Variants in CA8 observed in about 807,000 individuals in gnomAD.
CA8 encodes the protein carbonic anhydrase-related protein.
Under a neutral mutation model 41.4 loss-of-function variants are expected in CA8, and 22 were observed. The observed-to-expected ratio is 0.53, with a 90% CI of 0.38 to 0.76. The LOEUF (loss-of-function observed/expected upper bound fraction) is 0.76, where lower values mean the gene tolerates loss of function less well. Ranked by LOEUF, CA8 falls within the 30% of genes least tolerant of loss-of-function variation. The pLI is 0.00. For synonymous variants in CA8, 121 were observed against 130.6 expected, an observed-to-expected ratio of 0.93 and a Z score of 0.50; for missense variants, 270 against 352.8, an observed-to-expected ratio of 0.77 and a Z score of 1.88.
intron 7 of CA8, among the ~76,000 whole-genome samples, chr8:60,219,943 A>AAAAC (rs1807184295): frequency 2.8e-5 from 4 of 141,416 alleles, no homozygotes; most frequent in Non-Finnish European, 1.5e-5. Context: ...AAAAAAAAAA[A>AAAAC]AAAAAAAAAA....
At position 60,226,108 on chromosome 8, in the gene CA8, C is replaced by T. The variant is rs548833953; in HGVS notation, c.576+765G>A. Among the ~76,000 whole-genome samples, 8 of 152,194 alleles carry T rather than the reference C, an allele frequency of 5.3e-5. No homozygotes were observed. The South Asian group carries it at 1.7e-3, about 32-fold the overall frequency. On this transcript the variant is annotated intron_variant, in intron 5 of 8. Transcript: ENST00000317995. ...GTTTTCTTTTTTTAAATTTATTTAA[C>T]ATAAATACTTTGAAATATGATTCCC...
Position 60,281,114 on chromosome 8 carries a change from C to T in CA8, c.34G>A (p.Ala12Thr), listed in dbSNP as rs546682461. 1.9e-6 allele frequency: 3 copies of T among 1,598,110 alleles called. No homozygotes were observed. Among genetic ancestry groups the T allele is most frequent in the African/African-American group, 2.7e-5 (2 of 74,528 alleles). The change falls in exon 1 of 9, where the codon GCC becomes ACC. Residue 12 changes from alanine to threonine, a missense_variant. By Grantham distance (58) the Ala-to-Thr change is moderately conservative (BLOSUM62 0). Coordinates refer to ENST00000317995, the MANE Select transcript of CA8 (RefSeq NM_004056.6). The part of the protein sequence containing the change: ...ADLSFIEDTV[A>T]FPEKEEDEEE... The stretch of plus-strand genomic sequence containing the variant: ...TCATCCTCTTCCTTCTCGGGGAAGG[C>T]GACGGTATCTTCGATGAAGCTCAGG...
chr8:60,216,991 C>A (rs1807042980), intron 7 of CA8, among the ~76,000 whole-genome samples: 1 of 152,162 alleles, frequency 6.6e-6, no homozygotes, highest in Non-Finnish European at 1.5e-5. Flanking sequence ...TCAAGTGATT[C>A]TCCTGCCTCA....
At chr8:60,215,950 A>T (rs944678972) in intron 7 of CA8, among the ~76,000 whole-genome samples, 1 of 152,262 alleles carries the variant, frequency 6.6e-6, no homozygotes, top group African/African-American at 2.4e-5. Context: ...AATAATATTC[A>T]GCAGCTTAAT....
chr8:60,252,328 G>A (rs1428623874), intron 3 of CA8, among the ~76,000 whole-genome samples: 1 of 152,202 alleles, frequency 6.6e-6, no homozygotes, highest in South Asian at 2.1e-4. Flanking sequence ...TTCTGCTGGT[G>A]TTGCCTCGGA....
At chr8:60,219,429 T>C (rs1006169649) in intron 7 of CA8, among the ~76,000 whole-genome samples, 1 of 152,218 alleles carries the variant, frequency 6.6e-6, no homozygotes, top group South Asian at 2.1e-4. Flanking sequence ...GTGCTGGGAT[T>C]ACAGGCATGA....
intron 2 of CA8, among the ~76,000 whole-genome samples, chr8:60,278,537 A>T (rs1804312037): frequency 6.6e-6 from 1 of 152,214 alleles, no homozygotes; most frequent in African/African-American, 2.4e-5. Context: ...TTTAAAAAAC[A>T]GTAAGTAATG....
At chr8:60,248,014 A>G (rs1311544502) in intron 3 of CA8, among the ~76,000 whole-genome samples, 1 of 151,026 alleles carries the variant, frequency 6.6e-6, no homozygotes, top group Non-Finnish European at 1.5e-5. Context: ...AGTGCTGTTG[A>G]GCTTTTTTTC....
intron 3 of CA8, among the ~76,000 whole-genome samples, chr8:60,236,865 C>T (rs976499925): frequency 1.1e-4 from 16 of 152,120 alleles, no homozygotes; most frequent in African/African-American, 2.9e-4. Flanking sequence ...TGGAGACAAA[C>T]AGGTCTGAAT....
chr8:60,281,252 G>A lies in CA8; in HGVS notation c.-105C>T, dbSNP rs1804418244. The A allele has an allele frequency of 2.7e-6, 2 of 751,846 alleles. No individual in the cohort carries two copies. Among genetic ancestry groups the A allele is most frequent in the African/African-American group, 1.8e-5 (1 of 56,930 alleles). The allele number at this position is 751,846 out of a possible 1,614,324, so 46.6% of individuals were successfully genotyped here. A position where few individuals can be genotyped will look rare whatever the true frequency, so the allele number is the denominator to read the frequency against. ...AGCGCGCGTGGGGGAGTGTGAGCAC[G>A]CGTGAGCGGCAGTGTGAGTGCGAGA... On this transcript the variant is annotated 5_prime_UTR_variant, in exon 1 of 9. Coordinates refer to ENST00000317995, the MANE Select transcript of CA8 (RefSeq NM_004056.6).
chr8:60,190,421 A>C (rs1806083843), intron 8 of CA8, among the ~76,000 whole-genome samples: 1 of 136,838 alleles, frequency 7.3e-6, no homozygotes, highest in Non-Finnish European at 1.6e-5. Flanking sequence ...TTAAATAAAT[A>C]ATAAATGCAG....
chr8:60,214,903 A>G (rs777023505), intron 7 of CA8, among the ~76,000 whole-genome samples: 1 of 152,220 alleles, frequency 6.6e-6, no homozygotes, highest in Non-Finnish European at 1.5e-5. Context: ...CACTGGTGTT[A>G]TTTTAAGTTG....
intron 3 of CA8, among the ~76,000 whole-genome samples, chr8:60,243,638 C>T (rs1411460438): frequency 1.3e-5 from 2 of 152,114 alleles, no homozygotes; most frequent in Admixed American, 6.5e-5. Flanking sequence ...CGCCCGATCT[C>T]GTCTGAAACT....
At chr8:60,200,960 G>T (rs1484344095) in intron 8 of CA8, among the ~76,000 whole-genome samples, 2 of 152,114 alleles carry the variant, frequency 1.3e-5, no homozygotes, top group Non-Finnish European at 2.9e-5. Flanking sequence ...AGAAGAAAGG[G>T]GAGATGCTCT....
intron 5 of CA8, among the ~76,000 whole-genome samples, chr8:60,225,588 T>A (rs1409329279): frequency 6.6e-6 from 1 of 152,188 alleles, no homozygotes; most frequent in Admixed American, 6.5e-5. Flanking sequence ...ACTCAGGAGA[T>A]CTTCAGTGGA....
intron 3 of CA8, among the ~76,000 whole-genome samples, chr8:60,253,014 G>A (rs916440994): frequency 1.3e-5 from 2 of 152,040 alleles, no homozygotes; most frequent in Admixed American, 1.3e-4. Context: ...CAGACCACTT[G>A]AGGTCAGGAG....
At chr8:60,229,254 C>T (rs945949369) in intron 4 of CA8, among the ~76,000 whole-genome samples, 1 of 147,438 alleles carries the variant, frequency 6.8e-6, no homozygotes, top group African/African-American at 2.7e-5. Flanking sequence ...CCAACATCTC[C>T]CACCATTTCC....
intron 3 of CA8, among the ~76,000 whole-genome samples, chr8:60,240,957 A>G (rs191524133): frequency 4.3e-4 from 65 of 152,254 alleles, no homozygotes; most frequent in Middle Eastern, 3.4e-3. Flanking sequence ...AAAAAGAAGG[A>G]AAAAAAGGGG....
At chr8:60,264,848 A>G (rs1484042854) in intron 3 of CA8, 2 of 152,180 alleles carry the variant, frequency 1.3e-5, no homozygotes, top group Non-Finnish European at 2.9e-5. Flanking sequence ...GCTGTCAAAC[A>G]CTTCAACAGA....
Sources: gnomAD v4.1 joint callset for allele counts (sites outside exome capture counted in the v4.1 genomes callset) on GRCh38, gnomAD v4.1.1 for gene constraint, MANE v1.5 for transcripts, NCBI Gene and HGNC (gene_info 2026-07-23, HGNC 2026-07-21) for gene names.